Variants in FNBP1 observed in about 807,000 individuals in gnomAD.
FNBP1 encodes formin binding protein 1.
FNBP1 carries 26 observed loss-of-function variants against 90.6 expected under a neutral mutation model. The ratio of observed to expected loss-of-function variants is 0.29; its 90% CI spans 0.21 to 0.40. The LOEUF (loss-of-function observed/expected upper bound fraction) is 0.40. Among genes scored for constraint, FNBP1 ranks in the 10% least tolerant of loss-of-function variants. FNBP1 has a pLI of 1.00. For missense variants in FNBP1, 635 were observed against 768.0 expected, an observed-to-expected ratio of 0.83 and a Z score of 2.05; for synonymous variants, 260 against 265.2, an observed-to-expected ratio of 0.98 and a Z score of 0.19.
intron 1 of FNBP1, among the ~76,000 whole-genome samples, chr9:129,999,598 C>CA (rs58536126): frequency 0.021 from 2,319 of 108,486 alleles, 44 homozygotes; most frequent in African/African-American, 0.058. Context: ...GACTCTGTCT[C>CA]AAAAAAAAAA....
chr9:129,998,917 A>G lies in FNBP1; in HGVS notation c.25-3959T>C, dbSNP rs912287170. On this transcript the variant is annotated intron_variant, in intron 1 of 16. Transcript: ENST00000446176. ...GAGCCCAAATAAGATAGAAGATCTTAATAATAAAAACCTTACTCAGTAACA... is the reference window on the plus strand; with the variant it reads ...GAGCCCAAATAAGATAGAAGATCTTGATAATAAAAACCTTACTCAGTAACA... Among the ~76,000 whole-genome samples, 73 of 152,230 alleles carry G rather than the reference A, an allele frequency of 4.8e-4. 1 individual carries two copies. The highest frequency in any genetic ancestry group is 2.2e-4 in the Non-Finnish European group (15 of 68,044).
intron 10 of FNBP1, among the ~76,000 whole-genome samples, chr9:129,917,773 G>A (rs2040479089): frequency 6.6e-6 from 1 of 151,804 alleles, no homozygotes; most frequent in Non-Finnish European, 1.5e-5. Flanking sequence ...ACTTTTGCAG[G>A]GGGAAAATGG....
intron 6 of FNBP1, among the ~76,000 whole-genome samples, chr9:129,951,699 C>G (rs1390378244): frequency 6.6e-6 from 1 of 151,806 alleles, no homozygotes; most frequent in Non-Finnish European, 1.5e-5. Flanking sequence ...CCCGCCTTGG[C>G]CTTCCAAAGG....
intron 4 of FNBP1, among the ~76,000 whole-genome samples, chr9:129,971,180 C>T (rs1339112104): frequency 2.6e-5 from 4 of 151,774 alleles, no homozygotes; most frequent in African/African-American, 4.8e-5. Context: ...TGTGAGCCAC[C>T]GCGCCTGGCC....
At chr9:129,913,565 G>T (rs1442580074) in intron 11 of FNBP1, among the ~76,000 whole-genome samples, 3 of 152,082 alleles carry the variant, frequency 2.0e-5, no homozygotes, top group African/African-American at 7.2e-5. Context: ...GAGGTCAGGA[G>T]CTCGAGATTA....
intron 13 of FNBP1, among the ~76,000 whole-genome samples, chr9:129,901,536 C>CA (rs1231872566): frequency 4.6e-5 from 7 of 150,652 alleles, no homozygotes; most frequent in Admixed American, 2.0e-4. Context: ...GACTCTGTCT[C>CA]AAAAAAAAGA....
At position 129,909,966 on chromosome 9, in the gene FNBP1, A is replaced by G. The variant is rs150066788; in HGVS notation, c.1186-967T>C. On this transcript the variant is annotated intron_variant, in intron 11 of 16. Transcript: ENST00000446176. ...CCTGACCTCAAAATCAGTTTTCCAC[A>G]GTGTACGAAACTCATCTCCGCGGTT... Among the ~76,000 whole-genome samples the G allele has an allele frequency of 7.3e-4, 111 of 152,288 alleles. 2 individuals are homozygous for G. The East Asian group carries it at 8.3e-3, about 11-fold the overall frequency.
chr9:129,975,902 TAAAAAA>T (rs34630525), intron 4 of FNBP1, among the ~76,000 whole-genome samples: 1 of 73,922 alleles, frequency 1.4e-5, no homozygotes, highest in Non-Finnish European at 2.5e-5. Flanking sequence ...GACTCCATCT[TAAAAAA>T]AAAAAAAAAA....
chr9:129,980,981 G>C (rs2051146165), intron 2 of FNBP1, among the ~76,000 whole-genome samples: 1 of 151,458 alleles, frequency 6.6e-6, no homozygotes, highest in Admixed American at 6.6e-5. Flanking sequence ...AATCCAGGAG[G>C]CGGAGCTTGC....
chr9:129,888,960 CT>C lies in FNBP1; in HGVS notation c.*1578del, dbSNP rs2034896856. On this transcript the variant is annotated 3_prime_UTR_variant, in exon 17 of 17. Coordinates refer to ENST00000446176, the MANE Select transcript of FNBP1 (RefSeq NM_015033.3). Reference sequence around the variant, plus strand: ...TACCAAAGCCAAGCAAAGAATAAAGCTGCCCGACGTCATCCCCAGGCTTCCG... The same window carrying C: ...TACCAAAGCCAAGCAAAGAATAAAGCGCCCGACGTCATCCCCAGGCTTCCG... The C allele has an allele frequency of 4.4e-6, 1 of 226,754 alleles. No homozygotes were observed. The highest frequency in any genetic ancestry group is 6.3e-5 in the East Asian group (1 of 15,906). The allele number at this position is 226,754 out of a possible 1,614,324, so 14.0% of individuals were successfully genotyped here.
chr9:129,988,154 GCAGGCCCTGTTA>G (rs1343615007), intron 2 of FNBP1, among the ~76,000 whole-genome samples: 1 of 152,058 alleles, frequency 6.6e-6, no homozygotes. Context: ...GTGAGGTTGA[GCAGGCCCTGTTA>G]CTCTGCTAAT....
At chr9:129,973,285 T>C (rs1037598502) in intron 4 of FNBP1, among the ~76,000 whole-genome samples, 2 of 152,180 alleles carry the variant, frequency 1.3e-5, no homozygotes, top group Non-Finnish European at 2.9e-5. Flanking sequence ...GGATTTGAGC[T>C]CTAACTCTGT....
At chr9:130,010,847 A>T (rs1459298398) in intron 1 of FNBP1, among the ~76,000 whole-genome samples, 1 of 148,628 alleles carries the variant, frequency 6.7e-6, no homozygotes, top group African/African-American at 2.5e-5. Context: ...CAAGCTCTGT[A>T]CTGGCACTGG....
At chr9:129,943,744 G>A (rs10117588) in intron 6 of FNBP1, among the ~76,000 whole-genome samples, 121,825 of 151,960 alleles carry the variant, frequency 0.8, 49,190 homozygotes, top group East Asian at 0.9. Flanking sequence ...TGTAATCCCA[G>A]CACTTTGGGA....
upstream of FNBP1, among the ~76,000 whole-genome samples, chr9:130,046,082 A>G (rs2060058177): frequency 6.6e-6 from 1 of 152,182 alleles, no homozygotes; most frequent in African/African-American, 2.4e-5. Context: ...ATATTACAAA[A>G]TATATATTTT....
intron 4 of FNBP1, among the ~76,000 whole-genome samples, chr9:129,965,860 T>G (rs909161506): frequency 2.1e-5 from 3 of 141,470 alleles, no homozygotes; most frequent in African/African-American, 8.1e-5. Flanking sequence ...AGGAAGGAAA[T>G]CAATCAAGAA....
At chr9:129,959,460 G>A (rs1244354041) in intron 4 of FNBP1, among the ~76,000 whole-genome samples, 4 of 151,994 alleles carry the variant, frequency 2.6e-5, no homozygotes, top group East Asian at 1.9e-4. Context: ...GTGGTGGTGC[G>A]TGCCTGTAAT....
rs80090730 is a variant in FNBP1 at position 129,920,700 on chromosome 9, C to T, written c.1170+3144G>A. On this transcript the variant is annotated intron_variant, in intron 10 of 16. Coordinates refer to ENST00000446176, the MANE Select transcript of FNBP1 (RefSeq NM_015033.3). ...ATATCATGAACCACAGATTCACAAA[C>T]CATTTTTGGCCAACAGACTGTGTAA... is the stretch of plus-strand genomic sequence containing the variant. Among the ~76,000 whole-genome samples the T allele has an allele frequency of 9.3e-3, 1,408 of 152,208 alleles. 22 individuals carry two copies. The highest frequency in any genetic ancestry group is 0.032 in the African/African-American group (1,335 of 41,508).
At chr9:130,015,814 A>G (rs971150557) in intron 1 of FNBP1, among the ~76,000 whole-genome samples, 1 of 152,114 alleles carries the variant, frequency 6.6e-6, no homozygotes, top group Non-Finnish European at 1.5e-5. Flanking sequence ...AGCTGGGACT[A>G]CAGGCGCAAG....
Sources: allele counts gnomAD v4.1 joint callset (sites outside exome capture counted in the v4.1 genomes callset), GRCh38; gene constraint gnomAD v4.1.1; transcripts MANE v1.5; gene names NCBI Gene and HGNC (gene_info 2026-07-23, HGNC 2026-07-21).